The following CCDC138 variants were observed in gnomAD, a reference collection of about 807,000 sequenced individuals.
The protein encoded by CCDC138 is coiled-coil domain-containing protein 138.
In CCDC138, 66 loss-of-function variants were observed where a neutral mutation model predicts 82.3. That is an observed-to-expected ratio of 0.80 (90% confidence interval 0.66 to 0.98). The LOEUF (loss-of-function observed/expected upper bound fraction) is 0.98. Among genes scored for constraint, CCDC138 ranks in the 50% least tolerant of loss-of-function variants. The pLI is 0.00. For synonymous variants in CCDC138, 297 were observed against 265.4 expected, an observed-to-expected ratio of 1.12 and a Z score of -1.16; for missense variants, 816 against 758.9, an observed-to-expected ratio of 1.08 and a Z score of -0.88.
Position 108,794,564 on chromosome 2 carries a change from C to CA in CCDC138, c.420dup (p.Ser141IlefsTer6). ...GTTGCCTTGCCAACTAATACGACCTCATCGAGACCTCGGACTGAGTGTTGT... is the reference window on the plus strand; with the variant it reads ...GTTGCCTTGCCAACTAATACGACCTCAATCGAGACCTCGGACTGAGTGTTGT... On this transcript the variant is annotated frameshift_variant, in exon 5 of 15. Coordinates refer to ENST00000295124, the MANE Select transcript of CCDC138 (RefSeq NM_144978.3). LOFTEE classifies it high-confidence loss of function. 6.2e-7 allele frequency: 1 copy of CA among 1,612,582 alleles called. No homozygotes were observed. Among genetic ancestry groups the CA allele is most frequent in the East Asian group, 2.2e-5 (1 of 44,846 alleles).
intron 2 of CCDC138, chr2:108,883,940 CAG>C (rs1254388166): frequency 1.7e-4 from 6 of 35,080 alleles, no homozygotes; most frequent in African/African-American, 3.6e-4. Flanking sequence ...TTGTTTGAGG[CAG>C]AGTCTCTCAC....
chr2:108,795,150 A>ATTTTT lies in CCDC138; in HGVS notation c.576+447_576+451dup, dbSNP rs11458525. The stretch of plus-strand genomic sequence containing the variant: ...TTCGGGTTTTTTGTTTCTAAAGTGT[A>ATTTTT]TTTTTTTTTTTTTTTTTTTTTTGCG... On this transcript the variant is annotated intron_variant, in intron 5 of 14. Coordinates refer to ENST00000295124, the MANE Select transcript of CCDC138 (RefSeq NM_144978.3). 4.5e-3 allele frequency among the ~76,000 whole-genome samples: 385 copies of ATTTTT among 85,024 alleles called. 9 individuals are homozygous for ATTTTT. The highest frequency in any genetic ancestry group is 5.3e-3 in the Non-Finnish European group (254 of 48,120). 55.8% of individuals were successfully genotyped at this position (85,024 alleles called of 152,430 possible). A position where few individuals can be genotyped will look rare whatever the true frequency, so the allele number is the denominator to read the frequency against.
At chr2:108,879,582 T>G (rs1404735644), downstream of CCDC138, among the ~76,000 whole-genome samples, 2 of 152,194 alleles carry the variant, frequency 1.3e-5, no homozygotes, top group Non-Finnish European at 2.9e-5. Context: ...AAATACAAGA[T>G]TAACTTTCTA....
intron 10 of CCDC138, among the ~76,000 whole-genome samples, chr2:108,820,571 A>G (rs556062498): frequency 1.3e-5 from 2 of 152,272 alleles, no homozygotes; most frequent in East Asian, 3.9e-4. Flanking sequence ...TAAAATACAA[A>G]GAGAATCTTT....
intron 10 of CCDC138, among the ~76,000 whole-genome samples, chr2:108,823,795 T>C (rs1289334639): frequency 6.6e-6 from 1 of 152,034 alleles, no homozygotes; most frequent in African/African-American, 2.4e-5. Flanking sequence ...GCCTGGCCAA[T>C]GTGAAACTCC....
At chr2:108,800,473 C>T (rs1681720378) in intron 6 of CCDC138, among the ~76,000 whole-genome samples, 1 of 152,074 alleles carries the variant, frequency 6.6e-6, no homozygotes, top group Non-Finnish European at 1.5e-5. Context: ...CCATGTTGGT[C>T]AGGCTGGTCT....
intron 10 of CCDC138, among the ~76,000 whole-genome samples, chr2:108,829,919 G>C (rs1309071516): frequency 6.6e-6 from 1 of 152,096 alleles, no homozygotes; most frequent in Non-Finnish European, 1.5e-5. Context: ...TTTACTTCTG[G>C]ATATATATTC....
At chr2:108,826,591 AGTTCCATTCCATT>A (rs1451698381) in intron 10 of CCDC138, among the ~76,000 whole-genome samples, 2 of 152,208 alleles carry the variant, frequency 1.3e-5, no homozygotes, top group African/African-American at 4.8e-5. Flanking sequence ...CTGGATTCTC[AGTTCCATTCCATT>A]GTTCTATTTG....
At chr2:108,844,040 T>A (rs1283565097) in intron 11 of CCDC138, among the ~76,000 whole-genome samples, 1 of 151,662 alleles carries the variant, frequency 6.6e-6, no homozygotes, top group Non-Finnish European at 1.5e-5. Flanking sequence ...TTTTTTTTGT[T>A]TTGTAGAGAT....
rs142557775 is a variant in CCDC138 at position 108,846,772 on chromosome 2, G to T, written c.1358G>T (p.Gly453Val). Residue 453 changes from glycine (G) to valine (V), a missense_variant, in exon 12 of 15, where the codon GGT becomes GTT. Coordinates refer to ENST00000295124, the MANE Select transcript of CCDC138 (RefSeq NM_144978.3). Reference sequence around the variant, plus strand: ...ATGACATCAACATTGAGGAGATTGGGTGAAGACATTTTTAAAGGAGTGGTA... The same window carrying T: ...ATGACATCAACATTGAGGAGATTGGTTGAAGACATTTTTAAAGGAGTGGTA... ...STMTSTLRRL[G>V]EDIFKGVVTK... is the part of the protein sequence containing the mutation. 1 of 1,612,758 alleles carries T rather than the reference G, an allele frequency of 6.2e-7. No individual in the cohort carries two copies. Among genetic ancestry groups the T allele is most frequent in the Non-Finnish European group, 8.5e-7 (1 of 1,179,046 alleles).
intron 2 of CCDC138, chr2:108,885,025 T>C (rs1340442110): frequency 6.6e-6 from 1 of 152,236 alleles, no homozygotes; most frequent in Admixed American, 6.5e-5. Context: ...AATACAAATA[T>C]TTGCAGAGAA....
intron 10 of CCDC138, among the ~76,000 whole-genome samples, chr2:108,834,255 C>T (rs1418592780): frequency 6.8e-6 from 1 of 147,502 alleles, no homozygotes; most frequent in Non-Finnish European, 1.5e-5. Context: ...CTCTGTCACA[C>T]GAGCTGGAGT....
chr2:108,831,437 G>C (rs1209835400), intron 10 of CCDC138, among the ~76,000 whole-genome samples: 1 of 152,078 alleles, frequency 6.6e-6, no homozygotes, highest in Non-Finnish European at 1.5e-5. Context: ...TATTATGTTT[G>C]GATTAAGAAT....
chr2:108,834,601 T>C (rs1249113841), intron 10 of CCDC138, among the ~76,000 whole-genome samples: 1 of 152,240 alleles, frequency 6.6e-6, no homozygotes, highest in East Asian at 1.9e-4. Flanking sequence ...TGGTAAAATA[T>C]GCATAGCTTA....
In CCDC138 at chr2:108,875,337, G is replaced by A. The variant is rs73952537; in HGVS notation, c.1833-751G>A. 9.4e-4 allele frequency among the ~76,000 whole-genome samples: 124 copies of A among 132,606 alleles called. 2 individuals carry two copies. The East Asian group carries it at 0.015, about 16-fold the overall frequency. 87.0% of individuals were successfully genotyped at this position (132,606 alleles called of 152,430 possible). A position where few individuals can be genotyped will look rare whatever the true frequency, so the allele number is the denominator to read the frequency against. Reference sequence around the variant, plus strand: ...AGTATAATAAAAAAAAAAAAAAAAAGAAACAAATTCTTAATGATTGAAATG... The same window carrying A: ...AGTATAATAAAAAAAAAAAAAAAAAAAAACAAATTCTTAATGATTGAAATG... On this transcript the variant is annotated intron_variant, in intron 14 of 14. Coordinates refer to ENST00000295124, the MANE Select transcript of CCDC138 (RefSeq NM_144978.3).
chr2:108,839,648 ATTGTC>A (rs919700187), intron 11 of CCDC138, among the ~76,000 whole-genome samples: 38 of 152,128 alleles, frequency 2.5e-4, no homozygotes, highest in African/African-American at 8.2e-4. Flanking sequence ...TTTAGTTGGT[ATTGTC>A]TTTTTACTGT....
intron 6 of CCDC138, among the ~76,000 whole-genome samples, chr2:108,803,352 C>A (rs1287045348): frequency 6.6e-6 from 1 of 152,158 alleles, no homozygotes; most frequent in African/African-American, 2.4e-5. Flanking sequence ...CATAGAGGCC[C>A]CTCTTCCTGA....
chr2:108,870,512 G>A (rs1486313929), intron 13 of CCDC138, among the ~76,000 whole-genome samples: 1 of 152,098 alleles, frequency 6.6e-6, no homozygotes, highest in Non-Finnish European at 1.5e-5. Context: ...AGAAACTCAA[G>A]GAATCCACAT....
intron 10 of CCDC138, among the ~76,000 whole-genome samples, chr2:108,833,001 T>A (rs1361273300): frequency 1.3e-5 from 2 of 152,166 alleles, no homozygotes; most frequent in Non-Finnish European, 2.9e-5. Flanking sequence ...CATTGCTCAG[T>A]GAAAGAAGCC....
Sources: allele counts gnomAD v4.1 joint callset (sites outside exome capture counted in the v4.1 genomes callset), GRCh38; gene constraint gnomAD v4.1.1; transcripts MANE v1.5; gene names NCBI Gene and HGNC (gene_info 2026-07-23, HGNC 2026-07-21).